The following ATP8A1 variants were observed in gnomAD, a reference collection of about 807,000 sequenced individuals.
ATP8A1 encodes the protein phospholipid-transporting ATPase IA.
A neutral mutation model predicts 177.7 loss-of-function variants in ATP8A1; 90 were observed. That is an observed-to-expected ratio of 0.51 (90% CI 0.43 to 0.60). ATP8A1 has a LOEUF of 0.60. Among genes scored for constraint, ATP8A1 ranks in the 20% least tolerant of loss-of-function variants. ATP8A1 has a pLI of 0.00. For synonymous variants in ATP8A1, 493 were observed against 485.9 expected, an observed-to-expected ratio of 1.01 and a Z score of -0.19; for missense variants, 1,072 against 1,392.8, an observed-to-expected ratio of 0.77 and a Z score of 3.67.
At chr4:42,422,768 A>C (rs1193868115) in intron 35 of ATP8A1, 39 bp downstream of exon 35, 2 of 1,499,438 alleles carry the variant, frequency 1.3e-6, no homozygotes, top group Non-Finnish European at 1.8e-6. Context: ...ATAAATTTAA[A>C]GTTCATTTGG....
chr4:42,581,181 T>C (rs1733006151), intron 10 of ATP8A1, among the ~76,000 whole-genome samples: 1 of 152,120 alleles, frequency 6.6e-6, no homozygotes, highest in South Asian at 2.1e-4. Flanking sequence ...TTGCCCAGGC[T>C]GGAGTACAGT....
chr4:42,581,133 C>CT (rs1560483270), intron 10 of ATP8A1, among the ~76,000 whole-genome samples: 3 of 151,632 alleles, frequency 2.0e-5, no homozygotes, highest in South Asian at 2.1e-4. Flanking sequence ...GTTAGCCATT[C>CT]TTTTTTTATT....
rs1712754304 is a variant in ATP8A1 at position 42,412,700 on chromosome 4, A to T, written c.*216T>A. The T allele has an allele frequency of 2.2e-6, 1 of 444,614 alleles. No homozygotes were observed. Among genetic ancestry groups the T allele is most frequent in the Non-Finnish European group, 4.0e-6 (1 of 250,028 alleles). The allele number at this position is 444,614 out of a possible 1,614,324, so 27.5% of individuals were successfully genotyped here. A position where few individuals can be genotyped will look rare whatever the true frequency, so the allele number is the denominator to read the frequency against. ...CAATTTCCGTTTACAAAGACTTAGC[A>T]AATACCTTAAAAAAATCCAAAAGAG... is the stretch of plus-strand genomic sequence containing the variant. On this transcript the variant is annotated 3_prime_UTR_variant, in exon 37 of 37. Transcript: ENST00000381668.
intron 22 of ATP8A1, among the ~76,000 whole-genome samples, chr4:42,511,401 C>T (rs543739379): frequency 2.6e-5 from 4 of 152,110 alleles, no homozygotes; most frequent in African/African-American, 4.8e-5. Flanking sequence ...TGTTGAAATG[C>T]GATAAAATTC....
chr4:42,611,090 T>A (rs1365907915), intron 5 of ATP8A1, among the ~76,000 whole-genome samples: 1 of 152,214 alleles, frequency 6.6e-6, no homozygotes, highest in Non-Finnish European at 1.5e-5. Context: ...TCAATCCACA[T>A]CAACTCAACA....
At chr4:42,457,519 TG>T (rs1718615601) in intron 27 of ATP8A1, among the ~76,000 whole-genome samples, 1 of 152,208 alleles carries the variant, frequency 6.6e-6, no homozygotes, top group South Asian at 2.1e-4. Flanking sequence ...GTCTAACCTT[TG>T]TTGGTCTGAA....
At chr4:42,533,177 C>T (rs1027091948) in intron 20 of ATP8A1, among the ~76,000 whole-genome samples, 3 of 152,166 alleles carry the variant, frequency 2.0e-5, no homozygotes, top group African/African-American at 7.2e-5. Flanking sequence ...AAGACTGCTG[C>T]TGCAGGCTCC....
intron 24 of ATP8A1, among the ~76,000 whole-genome samples, chr4:42,499,849 C>T (rs369867755): frequency 9.9e-5 from 15 of 152,114 alleles, no homozygotes; most frequent in Admixed American, 4.6e-4. Context: ...TTCTCTAGTG[C>T]TTAGCTCACA....
At chr4:42,444,001 T>C (rs893525418) in intron 32 of ATP8A1, among the ~76,000 whole-genome samples, 5 of 152,176 alleles carry the variant, frequency 3.3e-5, no homozygotes, top group Non-Finnish European at 5.9e-5. Flanking sequence ...CACCGAAACA[T>C]GTCAGACCCT....
chr4:42,516,458 C>T (rs993767392), intron 22 of ATP8A1, among the ~76,000 whole-genome samples: 8 of 152,100 alleles, frequency 5.3e-5, no homozygotes, highest in South Asian at 4.1e-4. Flanking sequence ...ATCTTATCAC[C>T]AGGGAAATAC....
At chr4:42,573,272 T>C (rs1732086808) in intron 14 of ATP8A1, among the ~76,000 whole-genome samples, 1 of 152,192 alleles carries the variant, frequency 6.6e-6, no homozygotes, top group Non-Finnish European at 1.5e-5. Flanking sequence ...TATGAATGAA[T>C]ACAGAATTTG....
intron 1 of ATP8A1, among the ~76,000 whole-genome samples, chr4:42,627,734 A>G (rs1463699694): frequency 6.6e-6 from 1 of 152,232 alleles, no homozygotes; most frequent in Non-Finnish European, 1.5e-5. Context: ...ATGTTGACAA[A>G]CACTTTAAAA....
intron 24 of ATP8A1, among the ~76,000 whole-genome samples, chr4:42,495,087 G>A (rs1310215208): frequency 6.6e-6 from 1 of 152,182 alleles, no homozygotes; most frequent in East Asian, 1.9e-4. Flanking sequence ...TTTATTAGCT[G>A]TTTTGGTGGT....
chr4:42,606,802 C>G (rs1577689540), intron 5 of ATP8A1, among the ~76,000 whole-genome samples: 2 of 152,294 alleles, frequency 1.3e-5, no homozygotes, highest in Admixed American at 1.3e-4. Flanking sequence ...AGAGAGAATG[C>G]CCCAGAGAAC....
chr4:42,512,798 G>A (rs537351688), intron 22 of ATP8A1, among the ~76,000 whole-genome samples: 74 of 152,260 alleles, frequency 4.9e-4, no homozygotes, highest in African/African-American at 1.7e-3. Context: ...ATAGGTCTAC[G>A]GTGAAGCCTG....
intron 33 of ATP8A1, among the ~76,000 whole-genome samples, chr4:42,426,797 G>A (rs763798475): frequency 3.1e-4 from 47 of 152,054 alleles, no homozygotes; most frequent in Non-Finnish European, 5.7e-4. Context: ...CACAGCACAC[G>A]CTTGTCTTAT....
At chr4:42,435,553 A>G (rs951000310) in intron 33 of ATP8A1, among the ~76,000 whole-genome samples, 2 of 152,078 alleles carry the variant, frequency 1.3e-5, no homozygotes, top group Non-Finnish European at 2.9e-5. Context: ...CTGTCATTCA[A>G]ACAAAAACTG....
At position 42,625,689 on chromosome 4, in the gene ATP8A1, T is replaced by C; in HGVS notation, c.189A>G (p.Thr63=). ...GAGAGTAGAGAAATCTTGGAAGGAA[T>C]GTGATTATGTTGTATTTTGCAGTGC... The part of the protein sequence containing the change: ...HVSTAKYNII[T]FLPRFLYSQF... Residue 63 remains threonine, a synonymous_variant, in exon 3 of 37, where the codon ACA becomes ACG. Coordinates refer to ENST00000381668, the MANE Select transcript of ATP8A1 (RefSeq NM_006095.2). 1 of 1,605,702 alleles carries C rather than the reference T, an allele frequency of 6.2e-7. No homozygotes were observed. The highest frequency in any genetic ancestry group is 8.5e-7 in the Non-Finnish European group (1 of 1,175,886).
intron 19 of ATP8A1, among the ~76,000 whole-genome samples, chr4:42,548,378 C>T (rs1166983467): frequency 1.3e-5 from 2 of 152,148 alleles, no homozygotes; most frequent in Admixed American, 1.3e-4. Context: ...GTGAATCAGG[C>T]AGCTATATTT....
Sources: gnomAD v4.1 joint callset for allele counts (sites outside exome capture counted in the v4.1 genomes callset) on GRCh38, gnomAD v4.1.1 for gene constraint, MANE v1.5 for transcripts, NCBI Gene and HGNC (gene_info 2026-07-23, HGNC 2026-07-21) for gene names.